Variants in TLK2 observed in about 807,000 individuals in gnomAD.
TLK2 encodes the protein tousled like kinase 2.
In TLK2, 6 loss-of-function variants were observed where a neutral mutation model predicts 117.3. The ratio of observed to expected loss-of-function variants is 0.05; its 90% CI spans 0.03 to 0.10. TLK2 has a LOEUF of 0.10. Ranked by LOEUF, TLK2 falls within the 10% of genes least tolerant of loss-of-function variation. TLK2 has a pLI of 1.00. For missense variants in TLK2, 299 were observed against 901.2 expected (o/e 0.33, Z 8.56); for synonymous variants, 257 against 316.7 (o/e 0.81, Z 2.00).
At chr17:62,590,393 C>T (rs762533923) in intron 16 of TLK2, among the ~76,000 whole-genome samples, 2 of 152,088 alleles carry the variant, frequency 1.3e-5, no homozygotes, top group East Asian at 3.9e-4. Context: ...GAGCCAAGAT[C>T]GCGCCACTGT....
chr17:62,498,390 C>CTT (rs34118887), intron 2 of TLK2, among the ~76,000 whole-genome samples: 16 of 142,882 alleles, frequency 1.1e-4, no homozygotes, highest in African/African-American at 1.3e-4. Flanking sequence ...GAAAGCCCCC[C>CTT]TTTTTTTTTT....
intron 2 of TLK2, among the ~76,000 whole-genome samples, chr17:62,482,796 G>A (rs2071840560): frequency 6.6e-6 from 1 of 152,154 alleles, no homozygotes. Flanking sequence ...AGCACCTGCT[G>A]TATGCTAGGC....
intron 19 of TLK2, among the ~76,000 whole-genome samples, chr17:62,604,538 A>C (rs934999075): frequency 1.3e-5 from 2 of 152,148 alleles, no homozygotes; most frequent in African/African-American, 4.8e-5. Flanking sequence ...AATTTCATTC[A>C]CTTACAGGTG....
At chr17:62,582,356 C>T (rs1432918671) in intron 15 of TLK2, among the ~76,000 whole-genome samples, 2 of 152,134 alleles carry the variant, frequency 1.3e-5, no homozygotes, top group Non-Finnish European at 2.9e-5. Context: ...GCTAGGATTA[C>T]AGCCACCATG....
At chr17:62,572,568 G>A (rs563410195) in intron 11 of TLK2, among the ~76,000 whole-genome samples, 1 of 152,238 alleles carries the variant, frequency 6.6e-6, no homozygotes, top group East Asian at 1.9e-4. Flanking sequence ...AATTCATTTT[G>A]TATACTATTC....
chr17:62,559,240 G>A (rs1041807744), intron 9 of TLK2, among the ~76,000 whole-genome samples: 1 of 152,144 alleles, frequency 6.6e-6, no homozygotes, highest in Non-Finnish European at 1.5e-5. Context: ...CTTCTCTGGT[G>A]AGGAACATTT....
intron 9 of TLK2, 104 bp from the exon 10 acceptor site, chr17:62,559,912 T>A: frequency 5.5e-6 from 4 of 728,692 alleles, no homozygotes; most frequent in South Asian, 5.1e-5. Flanking sequence ...ATTTTGCTTT[T>A]GATAAAACAA....
chr17:62,523,074 A>G lies in TLK2; in HGVS notation c.224-60A>G, dbSNP rs990726454. The G allele has an allele frequency of 4.3e-5, 64 of 1,484,200 alleles. No homozygotes were observed. The African/African-American group carries it at 8.4e-4, about 20-fold the overall frequency. The allele number at this position is 1,484,200 out of a possible 1,614,324, so 91.9% of individuals were successfully genotyped here. On this transcript the variant is annotated intron_variant, in intron 4 of 21. Transcript: ENST00000346027. ...AGTTACTGAATGTATAGTACATTTT[A>G]GTGAATGATGGTTTATATGTGTATT...
intron 2 of TLK2, among the ~76,000 whole-genome samples, chr17:62,482,616 A>AT (rs998772662): frequency 1.3e-5 from 2 of 150,888 alleles, no homozygotes; most frequent in Non-Finnish European, 3.0e-5. Flanking sequence ...TGCCTGGTTA[A>AT]TTTTTTTTAT....
At position 62,553,786 on chromosome 17, in the gene TLK2, C is replaced by G. The variant is rs775693680; in HGVS notation, c.720+31C>G. The G allele has an allele frequency of 5.2e-6, 7 of 1,351,942 alleles. No homozygotes were observed. In the South Asian group the frequency reaches 8.2e-5, roughly 16 times the overall value. 83.7% of individuals were successfully genotyped at this position (1,351,942 alleles called of 1,614,324 possible). On this transcript the variant is annotated intron_variant, in intron 9 of 21. Transcript: ENST00000346027. ...TATTAAAATGTAAGAGATTTTATAG[C>G]AAGCACCATTTGTTATATATATTTG...
chr17:62,532,699 G>A (rs1349866470), intron 6 of TLK2, among the ~76,000 whole-genome samples: 1 of 152,102 alleles, frequency 6.6e-6, no homozygotes, highest in Non-Finnish European at 1.5e-5. Flanking sequence ...ATACATGTAT[G>A]TTTATATAAT....
intron 2 of TLK2, among the ~76,000 whole-genome samples, chr17:62,512,952 C>T (rs1477760588): frequency 6.6e-6 from 1 of 150,726 alleles, no homozygotes; most frequent in Non-Finnish European, 1.5e-5. Flanking sequence ...GATCTCAGCT[C>T]ATTGCAACCT....
intron 13 of TLK2, among the ~76,000 whole-genome samples, chr17:62,578,043 A>G (rs912603218): frequency 6.6e-6 from 1 of 152,218 alleles, no homozygotes; most frequent in African/African-American, 2.4e-5. Flanking sequence ...GCGAAACTCC[A>G]TCTTAAAAAA....
chr17:62,510,893 C>T (rs1355735955), intron 2 of TLK2, among the ~76,000 whole-genome samples: 1 of 152,116 alleles, frequency 6.6e-6, no homozygotes, highest in Non-Finnish European at 1.5e-5. Context: ...CAAATGCTAC[C>T]TAAGTGTTGG....
Position 62,549,419 on chromosome 17 carries a change from A to AAAAAGT in TLK2, c.532-2879_532-2878insGTAAAA, listed in dbSNP as rs2078236358. Among the ~76,000 whole-genome samples, 6 of 7,760 alleles carry AAAAAGT rather than the reference A, an allele frequency of 7.7e-4. No individual in the cohort carries two copies. The East Asian group carries it at 0.025, about 32-fold the overall frequency. The allele number at this position is 7,760 out of a possible 152,430, so 5.1% of individuals were successfully genotyped here. On this transcript the variant is annotated intron_variant, in intron 7 of 21. Transcript: ENST00000346027. ...ATCTCAAAAAAAAAAAAAAAAAAAA[A>AAAAAGT]AAAAAAAAAAAAAAAAAATAGAAAC...
chr17:62,553,453 G>C (rs1598543825), intron 8 of TLK2: 4 of 527,648 alleles, frequency 7.6e-6, no homozygotes, highest in Non-Finnish European at 1.4e-5. Context: ...TGTGTTTGAA[G>C]TGTAGGTGTA....
chr17:62,599,078 T>C (rs994095026), intron 17 of TLK2, among the ~76,000 whole-genome samples: 30 of 152,288 alleles, frequency 2.0e-4, no homozygotes, highest in African/African-American at 6.5e-4. Context: ...CCCAAGTAGC[T>C]GGGATTACAG....
chr17:62,496,495 C>T (rs2073699681), intron 2 of TLK2, among the ~76,000 whole-genome samples: 1 of 152,142 alleles, frequency 6.6e-6, no homozygotes, highest in Non-Finnish European at 1.5e-5. Flanking sequence ...CCACATTCTT[C>T]TCCATGGAGA....
intron 2 of TLK2, chr17:62,508,376 G>A: frequency 1.2e-6 from 1 of 860,578 alleles, no homozygotes. Flanking sequence ...ATGTACAAGA[G>A]TATGAATTTA....
Sources: allele counts gnomAD v4.1 joint callset (sites outside exome capture counted in the v4.1 genomes callset), GRCh38; gene constraint gnomAD v4.1.1; transcripts MANE v1.5; gene names NCBI Gene and HGNC (gene_info 2026-07-23, HGNC 2026-07-21).